Variants in OR11A1 observed in about 807,000 individuals in gnomAD.
OR11A1 encodes olfactory receptor 11A1.
For synonymous variants in OR11A1, 158 were observed against 152.2 expected (o/e 1.04, Z -0.28); for missense variants, 380 against 378.2 (o/e 1.00, Z -0.04).
In OR11A1 at chr6:29,453,572, T is replaced by C. The variant is rs1785689006; in HGVS notation, c.-389+3415A>G. On this transcript the variant is annotated intron_variant, in intron 1 of 4. Coordinates refer to ENST00000377149, the MANE Select transcript of OR11A1 (RefSeq NM_001394828.1). This position sits in a 1 kb window ranked among gnomAD's most constrained non-coding sequence, Gnocchi z 4.5. The stretch of plus-strand genomic sequence containing the variant: ...GATAAAAACTCATGCCTAGGGTTTA[T>C]GTCAGTAAAAGTAACAAACTCAATC... 1.3e-5 allele frequency among the ~76,000 whole-genome samples: 2 copies of C among 152,196 alleles called. No homozygotes were observed. Among genetic ancestry groups the C allele is most frequent in the Non-Finnish European group, 2.9e-5 (2 of 68,022 alleles).
intron 1 of OR11A1, among the ~76,000 whole-genome samples, chr6:29,454,523 A>T (rs1188641171): frequency 6.6e-6 from 1 of 152,222 alleles, no homozygotes; most frequent in Non-Finnish European, 1.5e-5. Flanking sequence ...ATATGTCAAA[A>T]TTGACAGAGC....
At chr6:29,445,533 G>A (rs987138134) in intron 1 of OR11A1, among the ~76,000 whole-genome samples, 1 of 152,172 alleles carries the variant, frequency 6.6e-6, no homozygotes, top group Non-Finnish European at 1.5e-5. Flanking sequence ...TCTCTTCACA[G>A]GGCTTGGAGA....
intron 1 of OR11A1, among the ~76,000 whole-genome samples, chr6:29,443,808 T>A (rs540705642): frequency 1.3e-5 from 2 of 152,348 alleles, no homozygotes; most frequent in South Asian, 4.1e-4. Context: ...TTCCTCACGA[T>A]ATATTTTTGA....
Position 29,452,625 on chromosome 6 carries a change from G to GA in OR11A1, c.-389+4361dup, listed in dbSNP as rs200389639. On this transcript the variant is annotated intron_variant, in intron 1 of 4. Transcript: ENST00000377149. ...ATGAATTATCTTTCAAATGTGAAGA[G>GA]AAAAAAAATCTGCCAACTTAGAATT... Among the ~76,000 whole-genome samples the GA allele has an allele frequency of 9.4e-3, 1,426 of 151,828 alleles. 12 individuals are homozygous for GA. The highest frequency in any genetic ancestry group is 0.026 in the African/African-American group (1,063 of 41,420).
At chr6:29,435,495 C>T (rs6908560) in intron 1 of OR11A1, among the ~76,000 whole-genome samples, 4,044 of 152,238 alleles carry the variant, frequency 0.027, 116 homozygotes, top group African/African-American at 0.076. Context: ...ATTTCATAAG[C>T]TCGAGCTCAG....
chr6:29,443,551 A>G (rs1386117859), intron 1 of OR11A1, among the ~76,000 whole-genome samples: 1 of 151,946 alleles, frequency 6.6e-6, no homozygotes, highest in Non-Finnish European at 1.5e-5. Flanking sequence ...TTATTTATTC[A>G]CCTGCTAAAG....
chr6:29,446,828 G>A (rs1784823460), intron 1 of OR11A1, among the ~76,000 whole-genome samples: 1 of 152,182 alleles, frequency 6.6e-6, no homozygotes, highest in South Asian at 2.1e-4. Context: ...CTGATTTAGA[G>A]CCAAAGTAAC....
At chr6:29,440,011 G>T in intron 1 of OR11A1, 1 of 1,610,184 alleles carries the variant, frequency 6.2e-7, no homozygotes, top group Non-Finnish European at 8.5e-7. Flanking sequence ...AGGTATGCAG[G>T]CAGGATGAGT....
intron 1 of OR11A1, among the ~76,000 whole-genome samples, chr6:29,442,777 G>A (rs529817923): frequency 1.1e-4 from 16 of 152,290 alleles, no homozygotes; most frequent in East Asian, 1.9e-4. Flanking sequence ...CTGCAATAGC[G>A]AGGAACAGCA....
chr6:29,436,895 C>T (rs1299084059), intron 1 of OR11A1, among the ~76,000 whole-genome samples: 2 of 152,226 alleles, frequency 1.3e-5, no homozygotes, highest in Non-Finnish European at 2.9e-5. Flanking sequence ...TCTCTCGGTT[C>T]CTCTTTCCTC....
At chr6:29,452,736 A>G (rs998335683) in intron 1 of OR11A1, among the ~76,000 whole-genome samples, 3 of 152,196 alleles carry the variant, frequency 2.0e-5, no homozygotes, top group African/African-American at 7.2e-5. Context: ...ATTTGTTGCC[A>G]GAAGATACTC....
At chr6:29,456,382 C>T (rs905124066) in intron 1 of OR11A1, among the ~76,000 whole-genome samples, 1 of 150,848 alleles carries the variant, frequency 6.6e-6, no homozygotes, top group African/African-American at 2.4e-5. Flanking sequence ...TGGTGGCGGG[C>T]GCCTGTAGTC....
At chr6:29,452,605 T>C (rs1785543463) in intron 1 of OR11A1, among the ~76,000 whole-genome samples, 1 of 152,122 alleles carries the variant, frequency 6.6e-6, no homozygotes, top group South Asian at 2.1e-4. Context: ...AGGCTATGAA[T>C]TATCTTTCAA....
intron 1 of OR11A1, among the ~76,000 whole-genome samples, chr6:29,452,711 A>G (rs988158837): frequency 6.6e-6 from 1 of 152,186 alleles, no homozygotes; most frequent in Non-Finnish European, 1.5e-5. Flanking sequence ...CTGAAATTAA[A>G]AAGAAGCTGA....
intron 1 of OR11A1, chr6:29,440,923 C>G: frequency 6.2e-7 from 1 of 1,612,502 alleles, no homozygotes; most frequent in Non-Finnish European, 8.5e-7. Context: ...CTAAAGAGAA[C>G]CATCCAGAAA....
intron 1 of OR11A1, among the ~76,000 whole-genome samples, chr6:29,454,187 T>G (rs114071567): frequency 6.6e-6 from 1 of 152,262 alleles, no homozygotes; most frequent in African/African-American, 2.4e-5. Flanking sequence ...GGAAACTGAC[T>G]GTAAGTGGGA....
At chr6:29,428,491 C>T (rs1056092130) in intron 4 of OR11A1, 5 of 715,762 alleles carry the variant, frequency 7.0e-6, no homozygotes, top group Non-Finnish European at 8.6e-6. Flanking sequence ...CTTGGTGGCT[C>T]ACGCCTGTAA....
chr6:29,433,861 T>G (rs1482153266), intron 1 of OR11A1, among the ~76,000 whole-genome samples: 1 of 152,160 alleles, frequency 6.6e-6, no homozygotes, highest in African/African-American at 2.4e-5. Flanking sequence ...GTAGTAGGCA[T>G]TCTAACAAGT....
chr6:29,440,252 G>C (rs1193525345), intron 1 of OR11A1: 1 of 1,613,972 alleles, frequency 6.2e-7, no homozygotes, highest in Admixed American at 1.7e-5. Flanking sequence ...CGGTCCCCCT[G>C]CTACTTCACC....
Sources: allele counts gnomAD v4.1 joint callset (sites outside exome capture counted in the v4.1 genomes callset), GRCh38; gene constraint gnomAD v4.1.1; non-coding constraint Gnocchi (gnomAD v3.1); transcripts MANE v1.5; gene names NCBI Gene and HGNC (gene_info 2026-07-23, HGNC 2026-07-21).